The following CHL1 variants were observed in gnomAD, a reference collection of about 807,000 sequenced individuals.
CHL1 encodes the protein cell adhesion molecule L1 like, also known as neural cell adhesion molecule L1-like protein.
In CHL1, 96 loss-of-function variants were observed where a neutral mutation model predicts 141.9. The observed-to-expected ratio is 0.68, with a 90% CI of 0.57 to 0.80. CHL1 has a LOEUF of 0.80. CHL1 is among the 30% of genes least tolerant of loss of function. The pLI is 0.00. For synonymous variants in CHL1, 613 were observed against 502.2 expected (o/e 1.22, Z -2.95); for missense variants, 1,820 against 1,457.2 (o/e 1.25, Z -4.05).
chr3:398,960 C>G, intron 25 of CHL1, 57 bp from the exon 26 acceptor site: 6 of 1,539,100 alleles, frequency 3.9e-6, no homozygotes, highest in Non-Finnish European at 5.4e-6. Flanking sequence ...CCCAATGTTA[C>G]AGAATACAAA....
intron 5 of CHL1, among the ~76,000 whole-genome samples, chr3:331,903 G>T (rs1448010553): frequency 6.6e-6 from 1 of 152,126 alleles, no homozygotes; most frequent in Non-Finnish European, 1.5e-5. Flanking sequence ...ACCCAATTGG[G>T]AAATATCAGA....
At chr3:232,788 G>C (rs1701982501) in intron 1 of CHL1, among the ~76,000 whole-genome samples, 1 of 152,096 alleles carries the variant, frequency 6.6e-6, no homozygotes, top group Non-Finnish European at 1.5e-5. Context: ...CCTTCAGAGA[G>C]GTTGGCTAAA....
intron 2 of CHL1, among the ~76,000 whole-genome samples, chr3:252,267 C>T (rs1326598053): frequency 6.8e-6 from 1 of 147,748 alleles, no homozygotes; most frequent in African/African-American, 2.5e-5. Flanking sequence ...ACTTAAATTA[C>T]TATTGTTTTA....
chr3:224,708 C>T (rs564362513), intron 1 of CHL1, among the ~76,000 whole-genome samples: 12 of 152,278 alleles, frequency 7.9e-5, no homozygotes, highest in South Asian at 2.1e-4. Context: ...ACAAATTACC[C>T]GGTCTCAGGT....
At chr3:314,776 G>C (rs888443899) in intron 2 of CHL1, among the ~76,000 whole-genome samples, 2 of 152,044 alleles carry the variant, frequency 1.3e-5, no homozygotes, top group East Asian at 3.9e-4. Context: ...AAGGTGCAAG[G>C]CTTCTTGAGG....
intron 2 of CHL1, among the ~76,000 whole-genome samples, chr3:285,821 T>C (rs917159571): frequency 1.3e-5 from 2 of 152,130 alleles, no homozygotes; most frequent in Non-Finnish European, 2.9e-5. Flanking sequence ...TTGCTTTCTA[T>C]GATCACTGCT....
intron 23 of CHL1, among the ~76,000 whole-genome samples, chr3:392,751 G>C (rs983845510): frequency 4.6e-5 from 7 of 152,162 alleles, no homozygotes. Flanking sequence ...TCACGTATTT[G>C]CTTTAGTTTC....
intron 2 of CHL1, among the ~76,000 whole-genome samples, chr3:316,206 T>G (rs1466835316): frequency 6.6e-6 from 1 of 152,040 alleles, no homozygotes; most frequent in Non-Finnish European, 1.5e-5. Context: ...ACTGCCAGGG[T>G]CTATGTCTGC....
At chr3:317,868 T>G (rs2125025030) in intron 2 of CHL1, among the ~76,000 whole-genome samples, 1 of 152,020 alleles carries the variant, frequency 6.6e-6, no homozygotes, top group Non-Finnish European at 1.5e-5. Flanking sequence ...ACTCATTTCA[T>G]CAGAAGAGTA....
rs2106454201 is a variant in CHL1, at chr3:408,738, G to A, written c.*3027G>A. 6.6e-6 allele frequency: 1 copy of A among 152,126 alleles called. No individual in the cohort carries two copies. The highest frequency in any genetic ancestry group is 2.1e-4 in the South Asian group (1 of 4,822). The allele number at this position is 152,126 out of a possible 1,614,324, so 9.4% of individuals were successfully genotyped here. On this transcript the variant is annotated 3_prime_UTR_variant, in exon 28 of 28. Transcript: ENST00000256509. ...ACATGCCATTGAAAATTATTAATCA[G>A]AAGAAAATTAAGCAGGGTCTTTGCT... is the stretch of plus-strand genomic sequence containing the variant.
intron 2 of CHL1, among the ~76,000 whole-genome samples, chr3:276,543 C>T (rs1043588551): frequency 6.6e-6 from 1 of 152,040 alleles, no homozygotes; most frequent in Admixed American, 6.6e-5. Flanking sequence ...TTAAAAGAGT[C>T]GTACACTGAT....
intron 2 of CHL1, chr3:247,192 T>A (rs1301910087): frequency 6.6e-6 from 1 of 152,020 alleles, no homozygotes; most frequent in Admixed American, 6.6e-5. Context: ...ACAAATCTAC[T>A]GCTAGAGACC....
At chr3:294,343 C>T (rs1014824437) in intron 2 of CHL1, among the ~76,000 whole-genome samples, 3 of 152,020 alleles carry the variant, frequency 2.0e-5, no homozygotes, top group African/African-American at 7.2e-5. Flanking sequence ...ACGTACATAC[C>T]TACATACGTA....
At chr3:316,934 G>T (rs1398022740) in intron 2 of CHL1, among the ~76,000 whole-genome samples, 1 of 152,010 alleles carries the variant, frequency 6.6e-6, no homozygotes, top group Non-Finnish European at 1.5e-5. Context: ...CTATCTTACT[G>T]TTGCAAAATG....
chr3:373,833 G>A (rs1407729019), intron 15 of CHL1: 1 of 152,306 alleles, frequency 6.6e-6, no homozygotes. Context: ...CCTTGGCTGG[G>A]GGGAAGGGTC....
rs757994026 is a variant in CHL1, at chr3:319,809, C to A, written c.33C>A (p.Ile11=). MEPLLLGRGL[I]VYLMFLLLKF... is the part of the protein sequence containing the mutation. ...CGCTTTTACTTGGAAGAGGACTAATCGTATATCTAATGTTCCTCCTGTTAA... is the reference window on the plus strand; with the variant it reads ...CGCTTTTACTTGGAAGAGGACTAATAGTATATCTAATGTTCCTCCTGTTAA... The change falls in exon 3 of 28, where the codon ATC becomes ATA. Residue 11 remains isoleucine, a synonymous_variant. Coordinates refer to ENST00000256509, the MANE Select transcript of CHL1 (RefSeq NM_006614.4). 4 of 1,603,852 alleles carry A rather than the reference C, an allele frequency of 2.5e-6. No homozygotes were observed. Among genetic ancestry groups the A allele is most frequent in the East Asian group, 2.2e-5 (1 of 44,496 alleles).
In CHL1 at chr3:408,611, C is replaced by T. The variant is rs897112682; in HGVS notation, c.*2900C>T. The T allele has an allele frequency of 6.6e-6, 1 of 152,102 alleles. No homozygotes were observed. The highest frequency in any genetic ancestry group is 1.5e-5 in the Non-Finnish European group (1 of 68,002). The allele number at this position is 152,102 out of a possible 1,614,324, so 9.4% of individuals were successfully genotyped here. On this transcript the variant is annotated 3_prime_UTR_variant, in exon 28 of 28. Coordinates refer to ENST00000256509, the MANE Select transcript of CHL1 (RefSeq NM_006614.4). ...ATTATGTATCTGAAAGTCACCCCCA[C>T]ATACCAACTCAACTTTTTTCCTGTG...
At chr3:302,177 T>C (rs151176536) in intron 2 of CHL1, among the ~76,000 whole-genome samples, 24 of 152,362 alleles carry the variant, frequency 1.6e-4, no homozygotes, top group African/African-American at 5.8e-4. Flanking sequence ...TTCCAAGTCT[T>C]TGCTATTGTG....
At chr3:197,924 AGTGATTAATTTGGG>A (rs1040977307) in intron 1 of CHL1, 1 of 402,406 alleles carries the variant, frequency 2.5e-6, no homozygotes, top group Non-Finnish European at 4.9e-6. Context: ...GCACGGAGAA[AGTGATTAATTTGGG>A]GAGCAGGGAT....
Sources: gnomAD v4.1 joint callset for allele counts (sites outside exome capture counted in the v4.1 genomes callset) on GRCh38, gnomAD v4.1.1 for gene constraint, MANE v1.5 for transcripts, NCBI Gene and HGNC (gene_info 2026-07-23, HGNC 2026-07-21) for gene names.